The following CARS2 variants were observed in gnomAD, a reference collection of about 807,000 sequenced individuals.
The protein encoded by CARS2 is cysteinyl-tRNA synthetase 2, mitochondrial, also known as probable cysteine--tRNA ligase, mitochondrial.
A neutral mutation model predicts 68.8 loss-of-function variants in CARS2; 52 were observed. That is an observed-to-expected ratio of 0.76 (90% CI 0.61 to 0.95). The LOEUF (loss-of-function observed/expected upper bound fraction) is 0.95, where lower values mean the gene tolerates loss of function less well. CARS2 is among the 40% of genes least tolerant of loss of function. The pLI, the probability that CARS2 is intolerant of heterozygous loss-of-function variation, is 0.00. For synonymous variants in CARS2, 314 were observed against 303.6 expected, an observed-to-expected ratio of 1.03 and a Z score of -0.36; for missense variants, 780 against 754.2, an observed-to-expected ratio of 1.03 and a Z score of -0.40.
chr13:110,642,558 CTG>C lies in CARS2; in HGVS notation c.1417-39_1417-38del, dbSNP rs761608377. ...AGGGCGCGGTTACGTCCCCCGGAGA[CTG>C]TGGATTGTGGATGCCCCCTCCCCAC... On this transcript the variant is annotated intron_variant, in intron 13 of 14. Transcript: ENST00000257347. 6.0e-5 allele frequency: 94 copies of C among 1,560,196 alleles called. No individual in the cohort carries two copies. The Middle Eastern group carries it at 6.7e-4, about 11-fold the overall frequency.
chr13:110,695,945 A>G (rs978714322), intron 3 of CARS2, among the ~76,000 whole-genome samples: 87 of 152,082 alleles, frequency 5.7e-4, no homozygotes, highest in Admixed American at 8.5e-4. Context: ...AACCCCTGAC[A>G]GGCGCCGGGT....
At position 110,713,237 on chromosome 13, in the gene CARS2, A is replaced by G. The variant is rs186870680; in HGVS notation, n.299T>C. On this transcript the variant is annotated non_coding_transcript_exon_variant, in exon 1 of 3. Coordinates refer to the CARS2 transcript ENST00000485188. ...CAGTTCTGTTTCGGGCCCTACTTAT[A>G]CTGCTCTGTGGGGCGGGGACGAAGA... The G allele has an allele frequency of 1.9e-3, 2,663 of 1,397,950 alleles. 3 individuals carry two copies. The highest frequency in any genetic ancestry group is 2.5e-3 in the Admixed American group (84 of 33,202). 86.6% of individuals were successfully genotyped at this position (1,397,950 alleles called of 1,614,324 possible). A position where few individuals can be genotyped will look rare whatever the true frequency, so the allele number is the denominator to read the frequency against.
chr13:110,641,836 G>A (rs1020721202), intron 14 of CARS2, among the ~76,000 whole-genome samples: 6 of 152,192 alleles, frequency 3.9e-5, no homozygotes, highest in Non-Finnish European at 5.9e-5. Flanking sequence ...CGTGCTCAGC[G>A]TCCCCTGCAG....
At chr13:110,642,213 A>G in intron 14 of CARS2, 102 bp downstream of exon 14, 1 of 925,778 alleles carries the variant, frequency 1.1e-6, no homozygotes, top group Non-Finnish European at 1.7e-6. Context: ...GTCTCAAAAA[A>G]AAAGCATGGT....
chr13:110,700,125 A>G (rs2063741250), intron 3 of CARS2, among the ~76,000 whole-genome samples: 1 of 151,950 alleles, frequency 6.6e-6, no homozygotes, highest in South Asian at 2.1e-4. Context: ...TAACCTCTTG[A>G]CTCTTCTGCA....
At chr13:110,666,586 C>A (rs2062655412) in intron 8 of CARS2, 1 of 985,308 alleles carries the variant, frequency 1.0e-6, no homozygotes, top group Non-Finnish European at 1.2e-6. Flanking sequence ...CAAGTGAACT[C>A]TGCTGCGGAC....
intron 9 of CARS2, 139 bp from the exon 10 acceptor site, chr13:110,651,239 C>A: frequency 1.7e-6 from 1 of 586,860 alleles, no homozygotes; most frequent in Non-Finnish European, 3.0e-6. Context: ...ATGAGCCCTC[C>A]AAACTCACAA....
chr13:110,666,368 A>G, intron 8 of CARS2: 1 of 985,378 alleles, frequency 1.0e-6, no homozygotes, highest in Non-Finnish European at 1.2e-6. Context: ...ACAGCTCCTA[A>G]GTCCTCAAAC....
At chr13:110,710,118 C>T (rs1414808410), upstream of CARS2, among the ~76,000 whole-genome samples, 4 of 152,166 alleles carry the variant, frequency 2.6e-5, no homozygotes, top group East Asian at 1.9e-4. Flanking sequence ...CGGTGGTTCA[C>T]GCCTGTAATC....
chr13:110,653,209 GTGTGTT>G lies in CARS2; in HGVS notation c.988-2115_988-2110del, dbSNP rs1555345341. On this transcript the variant is annotated intron_variant, in intron 9 of 14. Transcript: ENST00000257347. This position sits in a 1 kb window ranked among gnomAD's most constrained non-coding sequence, Gnocchi z 5.6. ...GAGGGGGGCTGGGGTATGTGTGTGTGTGTGTTTGTGTGTGTGTGTGTGAAGAGCCCC... is the reference window on the plus strand; with the variant it reads ...GAGGGGGGCTGGGGTATGTGTGTGTGTGTGTGTGTGTGTGTGAAGAGCCCC... 6.6e-6 allele frequency among the ~76,000 whole-genome samples: 1 copy of G among 151,062 alleles called. No homozygotes were observed. Among genetic ancestry groups the G allele is most frequent in the Non-Finnish European group, 1.5e-5 (1 of 67,828 alleles).
chr13:110,643,872 C>A (rs141196335), intron 13 of CARS2: 96 of 257,118 alleles, frequency 3.7e-4, no homozygotes, highest in African/African-American at 2.0e-3. Flanking sequence ...TGAGTTACAA[C>A]GGAAGAGAAG....
chr13:110,672,089 G>T (rs1326578889), intron 7 of CARS2, among the ~76,000 whole-genome samples: 2 of 152,144 alleles, frequency 1.3e-5, no homozygotes, highest in Non-Finnish European at 2.9e-5. Context: ...CCTACAAAGA[G>T]ACTTAGACTC....
In CARS2 at chr13:110,701,005, T is replaced by G. The variant is rs1380131792; in HGVS notation, c.393+433A>C. ...GTTTCATGTCTCAGATTACACCCAC[T>G]GGCCACACATGGACAATAAGATGTG... On this transcript the variant is annotated intron_variant, in intron 3 of 14. Transcript: ENST00000257347. Among the ~76,000 whole-genome samples, 13 of 152,192 alleles carry G rather than the reference T, an allele frequency of 8.5e-5. 1 individual carries two copies.
In CARS2 at chr13:110,670,181, G is replaced by A. The variant is rs901014266; in HGVS notation, c.786-2708C>T. ...AGCAGAAACTTCTGCAGACTTAAAC[G>A]TTCCTGACTGACAGCTTTGAAGAGT... On this transcript the variant is annotated intron_variant, in intron 7 of 14. Coordinates refer to ENST00000257347, the MANE Select transcript of CARS2 (RefSeq NM_024537.4). This position sits in a 1 kb window ranked among gnomAD's most constrained non-coding sequence, Gnocchi z 4.1. Among the ~76,000 whole-genome samples the A allele has an allele frequency of 5.3e-5, 8 of 152,192 alleles. No homozygotes were observed. Among genetic ancestry groups the A allele is most frequent in the African/African-American group, 1.4e-4 (6 of 41,446 alleles).
chr13:110,705,485 C>A lies in CARS2; in HGVS notation c.275+36G>T. 6.7e-7 allele frequency: 1 copy of A among 1,500,306 alleles called. No homozygotes were observed. Among genetic ancestry groups the A allele is most frequent in the Non-Finnish European group, 9.1e-7 (1 of 1,098,480 alleles). 92.9% of individuals were successfully genotyped at this position (1,500,306 alleles called of 1,614,324 possible). A position where few individuals can be genotyped will look rare whatever the true frequency, so the allele number is the denominator to read the frequency against. The stretch of plus-strand genomic sequence containing the variant: ...AAAAGGCTTTCAAAAATAAATGGTC[C>A]TTTGAAGTATGAAAATTCAAATCCA... On this transcript the variant is annotated intron_variant, in intron 2 of 14. Transcript: ENST00000257347. The surrounding 1 kb of genome is among the most constrained non-coding windows in gnomAD (Gnocchi z 4.0).
chr13:110,659,593 A>C (rs2062453073), intron 9 of CARS2, among the ~76,000 whole-genome samples: 3 of 152,154 alleles, frequency 2.0e-5, no homozygotes, highest in Admixed American at 2.0e-4. Flanking sequence ...GAATATCACA[A>C]TAAAGCAAGG....
At chr13:110,678,875 C>A (rs571563035) in intron 6 of CARS2, among the ~76,000 whole-genome samples, 1 of 152,126 alleles carries the variant, frequency 6.6e-6, no homozygotes, top group African/African-American at 2.4e-5. Flanking sequence ...GAAGGCAGCG[C>A]AGGCGGAGGC....
At chr13:110,702,209 G>A (rs879256662) in intron 2 of CARS2, among the ~76,000 whole-genome samples, 3 of 152,140 alleles carry the variant, frequency 2.0e-5, no homozygotes, top group Admixed American at 2.0e-4. Context: ...ATTTCAGTTC[G>A]TAAAATTGTT....
intron 3 of CARS2, among the ~76,000 whole-genome samples, chr13:110,688,450 C>A (rs930520581): frequency 6.6e-6 from 1 of 152,008 alleles, no homozygotes; most frequent in South Asian, 2.1e-4. Flanking sequence ...ACACCATCTC[C>A]GAAACAAAAA....
Sources: gnomAD v4.1 joint callset for allele counts (sites outside exome capture counted in the v4.1 genomes callset) on GRCh38, gnomAD v4.1.1 for gene constraint, Gnocchi (gnomAD v3.1) non-coding constraint, MANE v1.5 for transcripts, NCBI Gene and HGNC (gene_info 2026-07-23, HGNC 2026-07-21) for gene names.